The following ASH2L variants were observed in gnomAD, a reference collection of about 807,000 sequenced individuals.
ASH2L encodes the protein set1/Ash2 histone methyltransferase complex subunit ASH2.
ASH2L carries 30 observed loss-of-function variants against 81.1 expected under a neutral mutation model. That is an observed-to-expected ratio of 0.37 (90% CI 0.28 to 0.50). ASH2L has a LOEUF of 0.50. ASH2L is among the 20% of genes least tolerant of loss of function. The pLI is 0.95. For missense variants in ASH2L, 559 were observed against 792.1 expected, an observed-to-expected ratio of 0.71 and a Z score of 3.53; for synonymous variants, 273 against 279.9, an observed-to-expected ratio of 0.98 and a Z score of 0.24.
intron 6 of ASH2L, 62 bp downstream of exon 6, chr8:38,114,349 C>A: frequency 9.6e-7 from 1 of 1,040,542 alleles, no homozygotes; most frequent in Non-Finnish European, 1.4e-6. Flanking sequence ...TGTAAGAATT[C>A]AATAATATCG....
At chr8:38,124,047 G>T (rs1801735348) in intron 10 of ASH2L, 1 of 151,784 alleles carries the variant, frequency 6.6e-6, no homozygotes, top group Admixed American at 6.6e-5. Context: ...CGTCATGTTG[G>T]CCGGGCTGGT....
chr8:38,119,183 T>G, intron 8 of ASH2L, 87 bp from the exon 9 acceptor site: 1 of 1,153,624 alleles, frequency 8.7e-7, no homozygotes, highest in Non-Finnish European at 1.3e-6. Flanking sequence ...CAAATGCACA[T>G]TGGGTGTGTT....
chr8:38,113,863 T>C (rs1056191607), intron 5 of ASH2L, among the ~76,000 whole-genome samples: 1 of 151,890 alleles, frequency 6.6e-6, no homozygotes, highest in Admixed American at 6.6e-5. Context: ...GAAATAGGAG[T>C]TCAAGAGAGA....
In ASH2L at chr8:38,139,021, C is replaced by G. The variant is rs1240229535; in HGVS notation, c.1837C>G (p.His613Asp). 6.2e-7 allele frequency: 1 copy of G among 1,611,512 alleles called. No individual in the cohort carries two copies. ...VEHTLADVLY[H>D]VETEVDGRRS... is the part of the protein sequence containing the mutation. ...GCACACCCTGGCTGACGTCTTGTAT[C>G]ACGTGGAGACAGAAGTGGATGGGAG... is the stretch of plus-strand genomic sequence containing the variant. The change falls in exon 16 of 16, where the codon CAC (histidine) becomes GAC (aspartate). Residue 613 changes from histidine (H) to aspartate (D), a missense_variant. Physicochemically the swap from His to Asp is moderately conservative, Grantham distance 81 (BLOSUM62 -1). Transcript: ENST00000343823.
chr8:38,121,124 G>C lies in ASH2L; in HGVS notation c.1140G>C (p.Arg380=). The stretch of plus-strand genomic sequence containing the variant: ...TCTACAGAGCCTGCTTGTATGAACG[G>C]GTTTTGTTAGCCCTACATGATCGAG... ...GDLYRACLYE[R]VLLALHDRAP... Residue 380 remains arginine (R), a synonymous_variant, in exon 10 of 16, where the codon CGG becomes CGC. Coordinates refer to ENST00000343823, the MANE Select transcript of ASH2L (RefSeq NM_004674.5). The C allele has an allele frequency of 6.2e-7, 1 of 1,613,350 alleles. No homozygotes were observed. Among genetic ancestry groups the C allele is most frequent in the Non-Finnish European group, 8.5e-7 (1 of 1,179,858 alleles).
intron 15 of ASH2L, 23 bp from the exon 16 acceptor site, chr8:38,138,941 T>G: frequency 6.2e-7 from 1 of 1,613,746 alleles, no homozygotes; most frequent in Non-Finnish European, 8.5e-7. Context: ...GTCACCGTGT[T>G]CTGTTTCTCA....
At chr8:38,119,677 C>T (rs1442607112) in intron 9 of ASH2L, among the ~76,000 whole-genome samples, 5 of 152,030 alleles carry the variant, frequency 3.3e-5, no homozygotes, top group Admixed American at 2.6e-4. Flanking sequence ...TAGTGGTGAG[C>T]GCCTGTAATC....
At chr8:38,136,354 A>T (rs1336450632) in intron 14 of ASH2L, among the ~76,000 whole-genome samples, 1 of 144,676 alleles carries the variant, frequency 6.9e-6, no homozygotes, top group African/African-American at 2.6e-5. Context: ...ACAGAGAGGC[A>T]TGAGGTACCA....
chr8:38,136,359 G>A (rs540873558), intron 14 of ASH2L, among the ~76,000 whole-genome samples: 4 of 137,848 alleles, frequency 2.9e-5, no homozygotes, highest in African/African-American at 1.1e-4. Flanking sequence ...GAGGCATGAG[G>A]TACCACATCT....
chr8:38,123,664 A>G (rs1475349536), intron 10 of ASH2L, among the ~76,000 whole-genome samples: 2 of 152,210 alleles, frequency 1.3e-5, no homozygotes, highest in East Asian at 3.8e-4. Flanking sequence ...TCTGGGAGTC[A>G]GAGCTGTACA....
chr8:38,105,773 G>C (rs769283544), intron 1 of ASH2L, 35 bp downstream of exon 1: 2 of 1,500,280 alleles, frequency 1.3e-6, no homozygotes, highest in Admixed American at 2.3e-5. Context: ...AGACGCGGGA[G>C]GGAGGCCCGC....
In ASH2L at chr8:38,139,322, G is replaced by A. The variant is rs570041645; in HGVS notation, c.*251G>A. On this transcript the variant is annotated 3_prime_UTR_variant, in exon 16 of 16. Coordinates refer to ENST00000343823, the MANE Select transcript of ASH2L (RefSeq NM_004674.5). ...GACTCCAGGATTGCATAAGCCCCCTGTGAAATCGGTGCTGTACTGCATACC... is the reference window on the plus strand; with the variant it reads ...GACTCCAGGATTGCATAAGCCCCCTATGAAATCGGTGCTGTACTGCATACC... 1.7e-5 allele frequency: 7 copies of A among 423,334 alleles called. No homozygotes were observed. Among genetic ancestry groups the A allele is most frequent in the African/African-American group, 1.2e-4 (6 of 51,278 alleles). The allele number at this position is 423,334 out of a possible 1,614,324, so 26.2% of individuals were successfully genotyped here.
chr8:38,120,956 C>T lies in ASH2L; in HGVS notation c.972C>T (p.Arg324=). Residue 324 remains arginine (R), a synonymous_variant, in exon 10 of 16, where the codon CGC becomes CGT. Coordinates refer to ENST00000343823, the MANE Select transcript of ASH2L (RefSeq NM_004674.5). Reference sequence around the variant, plus strand: ...GTGACCCTTTGTTTTCTGCTCAGCGCCTTCCCCCTCATGGCTACCCATTGG... The same window carrying T: ...GTGACCCTTTGTTTTCTGCTCAGCGTCTTCCCCCTCATGGCTACCCATTGG... ...ARSDPLFSAQ[R]LPPHGYPLEH... 6.2e-7 allele frequency: 1 copy of T among 1,613,472 alleles called. No homozygotes were observed. Among genetic ancestry groups the T allele is most frequent in the Non-Finnish European group, 8.5e-7 (1 of 1,179,912 alleles).
chr8:38,128,637 T>G (rs547259231), intron 11 of ASH2L, 121 bp from the exon 12 acceptor site: 1 of 1,499,230 alleles, frequency 6.7e-7, no homozygotes, highest in African/African-American at 1.4e-5. Context: ...TGTGAGAAAG[T>G]TTTTAAGCAA....
intron 14 of ASH2L, among the ~76,000 whole-genome samples, chr8:38,136,840 C>G (rs555713058): frequency 6.6e-6 from 1 of 151,846 alleles, no homozygotes; most frequent in East Asian, 1.9e-4. Flanking sequence ...GCCTGTAATC[C>G]CAGCACTTTG....
intron 13 of ASH2L, among the ~76,000 whole-genome samples, chr8:38,134,121 C>T (rs1362469040): frequency 1.3e-5 from 2 of 152,138 alleles, no homozygotes; most frequent in Non-Finnish European, 2.9e-5. Flanking sequence ...TGCTTGAAGG[C>T]AGCATGCTCG....
At chr8:38,133,599 C>A in intron 13 of ASH2L, 53 bp downstream of exon 13, 2 of 1,347,880 alleles carry the variant, frequency 1.5e-6, no homozygotes, top group South Asian at 1.3e-5. Context: ...GCGTTAGGAC[C>A]CATTCCTTCA....
At chr8:38,123,726 C>T (rs905970164) in intron 10 of ASH2L, among the ~76,000 whole-genome samples, 4 of 152,186 alleles carry the variant, frequency 2.6e-5, no homozygotes, top group Non-Finnish European at 5.9e-5. Context: ...GCCCTTCTCA[C>T]TCTCTTTTTT....
intron 1 of ASH2L, chr8:38,105,973 G>C (rs1810408819): frequency 6.5e-7 from 1 of 1,528,062 alleles, no homozygotes; most frequent in African/African-American, 1.4e-5. Context: ...TCTGATCCTT[G>C]CACCCTGGCA....
Sources: gnomAD v4.1 joint callset for allele counts (sites outside exome capture counted in the v4.1 genomes callset) on GRCh38, gnomAD v4.1.1 for gene constraint, MANE v1.5 for transcripts, NCBI Gene and HGNC (gene_info 2026-07-23, HGNC 2026-07-21) for gene names.